IHO1: variants seen among roughly 807,000 people sequenced by gnomAD.
The protein encoded by IHO1 is interactor of HORMAD1 protein 1.
Under a neutral mutation model 31.0 loss-of-function variants are expected in IHO1, and 13 were observed. The ratio of observed to expected loss-of-function variants is 0.42; its 90% CI spans 0.27 to 0.67. IHO1 has a LOEUF of 0.67. Ranked by LOEUF, IHO1 falls within the 30% of genes least tolerant of loss-of-function variation. IHO1 has a pLI of 0.24. For missense variants in IHO1, 599 were observed against 687.5 expected (o/e 0.87, Z 1.44); for synonymous variants, 221 against 248.4 (o/e 0.89, Z 1.04).
chr3:49,235,313 G>C (rs1453123669), intron 2 of IHO1, among the ~76,000 whole-genome samples: 1 of 147,894 alleles, frequency 6.8e-6, no homozygotes, highest in African/African-American at 2.5e-5. Context: ...TACAAGCTCC[G>C]CCTCCTGGGT....
intron 2 of IHO1, among the ~76,000 whole-genome samples, chr3:49,229,684 A>G (rs1439147856): frequency 6.6e-6 from 1 of 152,188 alleles, no homozygotes; most frequent in Non-Finnish European, 1.5e-5. Flanking sequence ...CATTTCAATC[A>G]TTTCTCTTCA....
chr3:49,191,454 A>G, the IHO1 span, among the ~76,000 whole-genome samples: 1 of 152,184 alleles, frequency 6.6e-6, no homozygotes, highest in East Asian at 1.9e-4. Context: ...CCAAACTCCA[A>G]AAGCTTGGGA....
intron 1 of IHO1, among the ~76,000 whole-genome samples, chr3:49,204,284 G>A (rs768413138): frequency 1.1e-4 from 17 of 152,106 alleles, no homozygotes; most frequent in Non-Finnish European, 2.2e-4. Context: ...ATTCAGCTAC[G>A]TGGGTTCAGC....
chr3:49,242,638 T>A (rs1307689599), intron 4 of IHO1, among the ~76,000 whole-genome samples: 4 of 152,178 alleles, frequency 2.6e-5, no homozygotes. Context: ...TTATTTATTT[T>A]AGAGTCTAGA....
intron 2 of IHO1, among the ~76,000 whole-genome samples, chr3:49,219,300 G>A (rs1386892859): frequency 1.3e-5 from 2 of 152,206 alleles, no homozygotes; most frequent in Admixed American, 6.5e-5. Flanking sequence ...CCCACCCAGG[G>A]CAGAAAACTG....
chr3:49,228,953 T>C (rs1455310591), intron 2 of IHO1, among the ~76,000 whole-genome samples: 1 of 152,184 alleles, frequency 6.6e-6, no homozygotes, highest in African/African-American at 2.4e-5. Flanking sequence ...AGATGACTGG[T>C]CCATTTTACA....
At chr3:49,208,528 A>G (rs2046170151) in intron 1 of IHO1, among the ~76,000 whole-genome samples, 2 of 152,180 alleles carry the variant, frequency 1.3e-5, no homozygotes, top group African/African-American at 4.8e-5. Context: ...GTCCATGGAA[A>G]AATTGTCTTC....
chr3:49,251,758 C>G (rs1225850471), intron 6 of IHO1, among the ~76,000 whole-genome samples: 2 of 151,886 alleles, frequency 1.3e-5, no homozygotes, highest in African/African-American at 4.8e-5. Flanking sequence ...TGCGACACCA[C>G]GCACTGCTAA....
intron 2 of IHO1, among the ~76,000 whole-genome samples, chr3:49,223,718 G>T (rs2046383661): frequency 6.6e-6 from 1 of 152,070 alleles, no homozygotes; most frequent in Non-Finnish European, 1.5e-5. Flanking sequence ...ACCATTGTTG[G>T]TCTGTAAGCT....
At chr3:49,210,258 AT>A (rs966068778) in intron 1 of IHO1, among the ~76,000 whole-genome samples, 5 of 148,336 alleles carry the variant, frequency 3.4e-5, no homozygotes, top group East Asian at 2.0e-4. Flanking sequence ...ATTTTTTGAG[AT>A]TTTTTTTTTC....
At chr3:49,252,295 T>C (rs562228464) in intron 6 of IHO1, 1 of 154,280 alleles carries the variant, frequency 6.5e-6, no homozygotes, top group East Asian at 1.9e-4. Context: ...GAGTGAGGCA[T>C]ATGCAGTTTC....
At chr3:49,249,333 T>C (rs1194154295) in intron 6 of IHO1, among the ~76,000 whole-genome samples, 1 of 151,792 alleles carries the variant, frequency 6.6e-6, no homozygotes, top group Non-Finnish European at 1.5e-5. Flanking sequence ...TGCAGTGGCG[T>C]GATCTTGGCT....
intron 6 of IHO1, among the ~76,000 whole-genome samples, chr3:49,251,674 T>C (rs1400179613): frequency 1.3e-5 from 2 of 151,108 alleles, no homozygotes; most frequent in East Asian, 3.9e-4. Flanking sequence ...CGATCTCGGC[T>C]CACCGCAACC....
chr3:49,208,231 C>T (rs1486102719), intron 1 of IHO1, among the ~76,000 whole-genome samples: 2 of 152,296 alleles, frequency 1.3e-5, no homozygotes, highest in Non-Finnish European at 1.5e-5. Context: ...ATTTAGTTCC[C>T]TAGAACAGGG....
chr3:49,200,686 C>G, intron 1 of IHO1: 1 of 412,546 alleles, frequency 2.4e-6, no homozygotes, highest in Non-Finnish European at 3.3e-6. Flanking sequence ...ACTTTTTCTC[C>G]CCTTTTATGC....
chr3:49,239,452 T>C (rs2046601411), intron 3 of IHO1, among the ~76,000 whole-genome samples: 1 of 149,720 alleles, frequency 6.7e-6, no homozygotes, highest in Non-Finnish European at 1.5e-5. Flanking sequence ...CAGCTAATTT[T>C]TGTATTTTTA....
chr3:49,216,807 C>T (rs1048632139), intron 2 of IHO1, among the ~76,000 whole-genome samples: 1 of 151,894 alleles, frequency 6.6e-6, no homozygotes, highest in African/African-American at 2.4e-5. Context: ...GAAAAAAAAC[C>T]CCATCAAAAA....
chr3:49,225,385 C>T (rs1235894380), intron 2 of IHO1, among the ~76,000 whole-genome samples: 2 of 152,292 alleles, frequency 1.3e-5, no homozygotes, highest in Admixed American at 6.5e-5. Flanking sequence ...ATCACTTGAA[C>T]CCAGGAGGCA....
chr3:49,220,385 G>A (rs1175724472), intron 2 of IHO1, among the ~76,000 whole-genome samples: 2 of 152,178 alleles, frequency 1.3e-5, no homozygotes, highest in Non-Finnish European at 2.9e-5. Context: ...TCTTGGTCTC[G>A]CTGACTTCAG....
Sources: gnomAD v4.1 joint callset for allele counts (sites outside exome capture counted in the v4.1 genomes callset) on GRCh38, gnomAD v4.1.1 for gene constraint, MANE v1.5 for transcripts, NCBI Gene and HGNC (gene_info 2026-07-23, HGNC 2026-07-21) for gene names.